The following CDC27 variants were observed in gnomAD, a reference collection of about 807,000 sequenced individuals.
CDC27 encodes the protein cell division cycle protein 27 homolog.
CDC27 carries 27 observed loss-of-function variants against 109.7 expected under a neutral mutation model. That is an observed-to-expected ratio of 0.25 (90% CI 0.18 to 0.34). The LOEUF is 0.34. Among genes scored for constraint, CDC27 ranks in the 10% least tolerant of loss-of-function variants. The pLI, the probability that CDC27 is intolerant of heterozygous loss-of-function variation, is 1.00. For synonymous variants in CDC27, 266 were observed against 333.9 expected, an observed-to-expected ratio of 0.80 and a Z score of 2.22; for missense variants, 579 against 960.2, an observed-to-expected ratio of 0.60 and a Z score of 5.25.
chr17:47,187,121 C>T (rs986947871), intron 1 of CDC27, among the ~76,000 whole-genome samples: 2 of 152,046 alleles, frequency 1.3e-5, no homozygotes, highest in African/African-American at 4.8e-5. Flanking sequence ...AACTTTCTAC[C>T]ACTATCTCAA....
chr17:47,124,209 A>ACACACACACACACC (rs774336770), intron 16 of CDC27, among the ~76,000 whole-genome samples: 1 of 148,316 alleles, frequency 6.7e-6, no homozygotes, highest in Non-Finnish European at 1.5e-5. Flanking sequence ...ACACACACAC[A>ACACACACACACACC]CCCCTCTTCG....
At chr17:47,139,155 C>T (rs1404851304) in intron 12 of CDC27, among the ~76,000 whole-genome samples, 1 of 151,826 alleles carries the variant, frequency 6.6e-6, no homozygotes, top group Admixed American at 6.6e-5. Flanking sequence ...TGAGTTTCTA[C>T]CAAAAAGACC....
intron 16 of CDC27, among the ~76,000 whole-genome samples, 179 bp from the exon 17 acceptor site, chr17:47,124,139 A>G (rs1440881339): frequency 6.6e-6 from 1 of 151,656 alleles, no homozygotes; most frequent in East Asian, 1.9e-4. Context: ...TTATATGACA[A>G]TAGGTACTAA....
In CDC27 at chr17:47,143,893, G is replaced by T; in HGVS notation, c.1160C>A (p.Ser387Tyr). ...RSSRLFTSDS[S>Y]TTKENSKKLK... Reference sequence around the variant, plus strand: ...AAATCTTTAAATTACCTTGGTTGTGGAGCTGTCACTAGTAAAGAGTCGTGA... The same window carrying T: ...AAATCTTTAAATTACCTTGGTTGTGTAGCTGTCACTAGTAAAGAGTCGTGA... The change falls in exon 10 of 19, where the codon TCC becomes TAC. Residue 387 changes from serine (S) to tyrosine (Y), a missense_variant. Transcript: ENST00000066544. The T allele has an allele frequency of 6.9e-7, 1 of 1,451,864 alleles. No homozygotes were observed. Among genetic ancestry groups the T allele is most frequent in the South Asian group, 1.7e-5 (1 of 60,322 alleles). The allele number at this position is 1,451,864 out of a possible 1,614,324, so 89.9% of individuals were successfully genotyped here.
chr17:47,163,820 A>G (rs1374238648), intron 4 of CDC27, among the ~76,000 whole-genome samples: 1 of 152,196 alleles, frequency 6.6e-6, no homozygotes, highest in Non-Finnish European at 1.5e-5. Context: ...GCTGGAGTAC[A>G]ATGGCACGAT....
intron 8 of CDC27, among the ~76,000 whole-genome samples, chr17:47,153,810 C>T (rs1207752206): frequency 6.6e-6 from 1 of 152,158 alleles, no homozygotes; most frequent in Non-Finnish European, 1.5e-5. Context: ...CTCAGCAGGG[C>T]AGTGACTCAT....
intron 9 of CDC27, among the ~76,000 whole-genome samples, chr17:47,150,397 T>C (rs1246233590): frequency 2.0e-5 from 3 of 152,204 alleles, no homozygotes; most frequent in African/African-American, 7.2e-5. Flanking sequence ...AATATAACTG[T>C]TGTCTTTACA....
intron 10 of CDC27, among the ~76,000 whole-genome samples, chr17:47,143,579 T>TA (rs913023782): frequency 1.2e-4 from 19 of 152,164 alleles, no homozygotes; most frequent in Non-Finnish European, 2.6e-4. Flanking sequence ...ACATCCTCCC[T>TA]AGAGGCCTAA....
At position 47,189,269 on chromosome 17, in the gene CDC27, G is replaced by T. The variant is rs1022224205; in HGVS notation, c.-97C>A. Reference sequence around the variant, plus strand: ...TGCTCATTTAAACTCACCAGCGACCGTTACCGGGGGATGGGGGAGGCCGAG... The same window carrying T: ...TGCTCATTTAAACTCACCAGCGACCTTTACCGGGGGATGGGGGAGGCCGAG... On this transcript the variant is annotated 5_prime_UTR_variant, in exon 1 of 19. Coordinates refer to ENST00000066544, the MANE Select transcript of CDC27 (RefSeq NM_001256.6). The T allele has an allele frequency of 4.3e-6, 4 of 932,640 alleles. No individual in the cohort carries two copies. The highest frequency in any genetic ancestry group is 1.6e-5 in the African/African-American group (1 of 62,194). The allele number at this position is 932,640 out of a possible 1,614,324, so 57.8% of individuals were successfully genotyped here. A position where few individuals can be genotyped will look rare whatever the true frequency, so the allele number is the denominator to read the frequency against.
rs763506277 is a variant in CDC27 at position 47,157,298 on chromosome 17, C to T, written c.562G>A (p.Val188Ile). The T allele has an allele frequency of 5.6e-6, 9 of 1,611,006 alleles. No individual in the cohort carries two copies. The East Asian group carries it at 1.8e-4, about 32-fold the overall frequency. ...CTGTGAGATAAACTATGATTAGGTA[C>T]TTGTGTTGTGCAAGAGTTGGGCAGA... Reference protein sequence around the residue: ...NCLPNSCTTQVPNHSLSHRQP... With the variant: ...NCLPNSCTTQIPNHSLSHRQP... The change falls in exon 6 of 19, where the codon GTA becomes ATA. Residue 188 changes from valine to isoleucine, a missense_variant. Transcript: ENST00000066544.
intron 9 of CDC27, among the ~76,000 whole-genome samples, chr17:47,145,481 T>C (rs935664832): frequency 1.3e-5 from 2 of 152,160 alleles, no homozygotes; most frequent in African/African-American, 4.8e-5. Context: ...ATCTACTAAG[T>C]CCTTGGAATT....
chr17:47,158,394 G>T, intron 4 of CDC27, 91 bp from the exon 5 acceptor site: 2 of 490,140 alleles, frequency 4.1e-6, no homozygotes, highest in East Asian at 6.9e-5. Flanking sequence ...AAAAGTTACA[G>T]AAGTTCAGAG....
chr17:47,151,743 TAAAGA>T, intron 9 of CDC27, 58 bp downstream of exon 9: 18 of 1,307,688 alleles, frequency 1.4e-5, no homozygotes, highest in Non-Finnish European at 1.7e-5. Flanking sequence ...CTGCCTAAAT[TAAAGA>T]AATGTAAAGA....
rs201167280 is a variant in CDC27, at chr17:47,186,759, AG to A, written c.27+2386del. Among the ~76,000 whole-genome samples the A allele has an allele frequency of 4.8e-3, 722 of 150,230 alleles. 2 individuals are homozygous for A. The highest frequency in any genetic ancestry group is 7.4e-3 in the African/African-American group (308 of 41,416). On this transcript the variant is annotated intron_variant, in intron 1 of 18. Transcript: ENST00000066544. ...TGGCCATTCTACATTAAAACTTTAAAGAAAAAAAAATGCAGAAAACAGTTCT... is the reference window on the plus strand; with the variant it reads ...TGGCCATTCTACATTAAAACTTTAAAAAAAAAAAATGCAGAAAACAGTTCT...
intron 2 of CDC27, among the ~76,000 whole-genome samples, chr17:47,173,420 T>C (rs1350166132): frequency 6.6e-6 from 1 of 152,034 alleles, no homozygotes; most frequent in Non-Finnish European, 1.5e-5. Flanking sequence ...GAATAAACTA[T>C]TAATTTTACT....
At chr17:47,122,886 C>T (rs945514711) in intron 17 of CDC27, among the ~76,000 whole-genome samples, 2 of 152,064 alleles carry the variant, frequency 1.3e-5, no homozygotes, top group Non-Finnish European at 2.9e-5. Flanking sequence ...GTTAGCTAGG[C>T]TACTCTCAAA....
rs1481663116 is a variant in CDC27 at position 47,138,602 on chromosome 17, C to T, written c.1704+137G>A. 3 of 579,758 alleles carry T rather than the reference C, an allele frequency of 5.2e-6. No homozygotes were observed. The African/African-American group carries it at 5.8e-5, about 11-fold the overall frequency. 35.9% of individuals were successfully genotyped at this position (579,758 alleles called of 1,614,324 possible). A position where few individuals can be genotyped will look rare whatever the true frequency, so the allele number is the denominator to read the frequency against. Reference sequence around the variant, plus strand: ...TAGGACTTTCTCTTCCTCTCTGAGTCCCTGACTAGAGAGAGAGGAAAAAAA... The same window carrying T: ...TAGGACTTTCTCTTCCTCTCTGAGTTCCTGACTAGAGAGAGAGGAAAAAAA... On this transcript the variant is annotated intron_variant, in intron 13 of 18. Coordinates refer to ENST00000066544, the MANE Select transcript of CDC27 (RefSeq NM_001256.6).
Position 47,143,867 on chromosome 17 carries a change from G to C in CDC27, c.1170+16C>G. ...AAGCATTAAGTAAATGTGACATACA[G>C]AAATCTTTAAATTACCTTGGTTGTG... On this transcript the variant is annotated intron_variant, in intron 10 of 18. Coordinates refer to ENST00000066544, the MANE Select transcript of CDC27 (RefSeq NM_001256.6). The C allele has an allele frequency of 1.5e-6, 2 of 1,305,464 alleles. No individual in the cohort carries two copies. Among genetic ancestry groups the C allele is most frequent in the East Asian group, 2.7e-5 (1 of 36,946 alleles). 80.9% of individuals were successfully genotyped at this position (1,305,464 alleles called of 1,614,324 possible).
intron 14 of CDC27, among the ~76,000 whole-genome samples, chr17:47,135,267 T>C (rs959824592): frequency 1.4e-4 from 21 of 152,198 alleles, no homozygotes; most frequent in African/African-American, 4.6e-4. Flanking sequence ...CCTATACTTA[T>C]AGACCTCAAA....
Sources: allele counts gnomAD v4.1 joint callset (sites outside exome capture counted in the v4.1 genomes callset), GRCh38; gene constraint gnomAD v4.1.1; transcripts MANE v1.5; gene names NCBI Gene and HGNC (gene_info 2026-07-23, HGNC 2026-07-21).